The following CYP4X1 variants were observed in gnomAD, a reference collection of about 807,000 sequenced individuals.
The protein encoded by CYP4X1 is cytochrome P450 family 4 subfamily X member 1, also known as cytochrome P450 4X1.
In CYP4X1, 44 loss-of-function variants were observed where a neutral mutation model predicts 57.9. That is an observed-to-expected ratio of 0.76 (90% CI 0.60 to 0.98). The LOEUF is 0.98. Among genes scored for constraint, CYP4X1 ranks in the 50% least tolerant of loss-of-function variants. CYP4X1 has a pLI of 0.00. For missense variants in CYP4X1, 532 were observed against 623.9 expected, an observed-to-expected ratio of 0.85 and a Z score of 1.57; for synonymous variants, 227 against 228.6, an observed-to-expected ratio of 0.99 and a Z score of 0.06.
At chr1:47,022,585 G>C (rs998634116), upstream of CYP4X1, among the ~76,000 whole-genome samples, 3 of 151,822 alleles carry the variant, frequency 2.0e-5, no homozygotes, top group Non-Finnish European at 4.4e-5. Context: ...CACCGCGCCC[G>C]GCCCCCTGGA....
At chr1:47,001,886 C>T in the CYP4X1 span, among the ~76,000 whole-genome samples, 12 of 152,238 alleles carry the variant, frequency 7.9e-5, no homozygotes, top group Admixed American at 7.9e-4. Flanking sequence ...ATGTCCTAAC[C>T]CTCTTCATGT....
At chr1:47,024,331 A>G (rs1468782245) in intron 1 of CYP4X1, among the ~76,000 whole-genome samples, 1 of 152,236 alleles carries the variant, frequency 6.6e-6, no homozygotes, top group Non-Finnish European at 1.5e-5. Flanking sequence ...TGCTTTAAAA[A>G]TAGCATGTTA....
chr1:47,044,474 A>G (rs544973001), intron 8 of CYP4X1, among the ~76,000 whole-genome samples: 53 of 152,330 alleles, frequency 3.5e-4, no homozygotes, highest in African/African-American at 1.3e-3. Flanking sequence ...TTGTAGCAAC[A>G]GTCATTTTTA....
chr1:47,040,595 T>C (rs141235754), intron 8 of CYP4X1, among the ~76,000 whole-genome samples: 256 of 152,300 alleles, frequency 1.7e-3, no homozygotes, highest in African/African-American at 5.8e-3. Context: ...AGATTTAATC[T>C]ATATAGCACA....
At chr1:47,034,312 C>T (rs1644156502) in intron 4 of CYP4X1, among the ~76,000 whole-genome samples, 1 of 152,102 alleles carries the variant, frequency 6.6e-6, no homozygotes, top group South Asian at 2.1e-4. Context: ...ATCATTAGGC[C>T]CTGACCTACA....
the CYP4X1 span, among the ~76,000 whole-genome samples, chr1:47,005,364 C>T: frequency 6.6e-6 from 1 of 152,066 alleles, no homozygotes; most frequent in African/African-American, 2.4e-5. Flanking sequence ...TGATGTTTGG[C>T]CCCAGTGCTC....
At chr1:47,013,175 T>C in the CYP4X1 span, among the ~76,000 whole-genome samples, 1 of 152,184 alleles carries the variant, frequency 6.6e-6, no homozygotes, top group African/African-American at 2.4e-5. Flanking sequence ...GGCTACTCAA[T>C]AGGCAAAGCA....
upstream of CYP4X1, among the ~76,000 whole-genome samples, chr1:47,021,142 C>CAAAAAAAAAAAAAAA (rs546594827): frequency 4.0e-4 from 19 of 47,458 alleles, 4 homozygotes; most frequent in East Asian, 2.5e-3. Context: ...GCAGGAATGC[C>CAAAAAAAAAAAAAAA]AAAAAAAAAA....
At chr1:47,048,491 G>T in intron 9 of CYP4X1, 74 bp from the exon 10 acceptor site, 1 of 1,513,460 alleles carries the variant, frequency 6.6e-7, no homozygotes, top group Admixed American at 1.7e-5. Flanking sequence ...AAGAACAAAA[G>T]TCTTGTTTAA....
downstream of CYP4X1, among the ~76,000 whole-genome samples, chr1:47,051,894 T>C (rs1378978211): frequency 6.6e-6 from 1 of 151,708 alleles, no homozygotes; most frequent in Non-Finnish European, 1.5e-5. Context: ...TATATCTCCT[T>C]CTTGCTGGAA....
downstream of CYP4X1, among the ~76,000 whole-genome samples, chr1:47,051,136 A>C (rs1203879223): frequency 6.6e-6 from 1 of 152,256 alleles, no homozygotes; most frequent in South Asian, 2.1e-4. Context: ...AAAAATGCCT[A>C]TCGTCACTGG....
At chr1:46,961,786 C>A in the CYP4X1 span, 1 of 1,299,610 alleles carries the variant, frequency 7.7e-7, no homozygotes, top group Non-Finnish European at 1.0e-6. Context: ...TCTTGCCTTG[C>A]CCACCCCAGA....
At chr1:47,038,186 A>G (rs1644206068) in intron 6 of CYP4X1, among the ~76,000 whole-genome samples, 2 of 152,206 alleles carry the variant, frequency 1.3e-5, no homozygotes, top group African/African-American at 4.8e-5. Context: ...AAACCTGTAC[A>G]TGTACCCCTG....
At position 47,036,056 on chromosome 1, in the gene CYP4X1, C is replaced by G. The variant is rs148377792; in HGVS notation, c.660C>G (p.Ser220Arg). ...ATGCAAAAGCCATATTTGAACTCAG[C>G]AAAATCATATTTCACCGCTTGTACA... ...DPYAKAIFEL[S>R]KIIFHRLYSL... The change falls in exon 6 of 12, where the codon AGC becomes AGG. Residue 220 changes from serine to arginine, a missense_variant. Coordinates refer to ENST00000371901, the MANE Select transcript of CYP4X1 (RefSeq NM_178033.2). 1.2e-6 allele frequency: 2 copies of G among 1,613,496 alleles called. No homozygotes were observed. Among genetic ancestry groups the G allele is most frequent in the Admixed American group, 3.3e-5 (2 of 59,956 alleles).
chr1:47,039,733 T>C (rs1319297921), intron 8 of CYP4X1: 4 of 397,930 alleles, frequency 1.0e-5, no homozygotes, highest in Non-Finnish European at 1.8e-5. Flanking sequence ...AGTTTATTTA[T>C]CCATAAATTG....
chr1:47,050,076 ACTCCAGACCC>A lies in CYP4X1; in HGVS notation c.1434_1443del (p.Asp480GlyfsTer21). 6.2e-7 allele frequency: 1 copy of A among 1,613,948 alleles called. No homozygotes were observed. Among genetic ancestry groups the A allele is most frequent in the Non-Finnish European group, 8.5e-7 (1 of 1,179,998 alleles). On this transcript the variant is annotated frameshift_variant, in exon 12 of 12. Coordinates refer to ENST00000371901, the MANE Select transcript of CYP4X1 (RefSeq NM_178033.2). LOFTEE classifies it low-confidence loss of function (END_TRUNC). ...CTTGATTCTGCTCCACTTCAGAGTG[ACTCCAGACCC>A]CACCAGGCCTCTTACTTTCCCCAAC... is the stretch of plus-strand genomic sequence containing the variant.
chr1:47,026,186 G>C (rs908671371), intron 1 of CYP4X1, among the ~76,000 whole-genome samples: 8 of 152,118 alleles, frequency 5.3e-5, no homozygotes, highest in African/African-American at 1.9e-4. Flanking sequence ...GCATAGCAGG[G>C]TGGCTATAGT....
the CYP4X1 span, among the ~76,000 whole-genome samples, chr1:46,980,766 T>A: frequency 6.6e-6 from 1 of 152,168 alleles, no homozygotes; most frequent in Admixed American, 6.5e-5. Context: ...AGCATGGTAC[T>A]GGTACCAAAA....
chr1:46,989,715 G>C, the CYP4X1 span, among the ~76,000 whole-genome samples: 1 of 152,048 alleles, frequency 6.6e-6, no homozygotes, highest in Non-Finnish European at 1.5e-5. Context: ...ATAGACCAAT[G>C]GAACAGAATA....
Sources: allele counts gnomAD v4.1 joint callset (sites outside exome capture counted in the v4.1 genomes callset), GRCh38; gene constraint gnomAD v4.1.1; transcripts MANE v1.5; gene names NCBI Gene and HGNC (gene_info 2026-07-23, HGNC 2026-07-21).